MAP3K3: variants seen among roughly 807,000 people sequenced by gnomAD.
MAP3K3 encodes mitogen-activated protein kinase kinase kinase 3, also known as MAP/ERK kinase kinase 3.
A neutral mutation model predicts 80.9 loss-of-function variants in MAP3K3; 12 were observed. The observed-to-expected ratio is 0.15, with a 90% CI of 0.10 to 0.24. MAP3K3 has a LOEUF of 0.24. Ranked by LOEUF, MAP3K3 falls within the 10% of genes least tolerant of loss-of-function variation. The probability of loss-of-function intolerance (pLI) is 1.00; values close to 1 mark genes in which losing one functional copy is unlikely to be tolerated. For synonymous variants in MAP3K3, 272 were observed against 307.1 expected, an observed-to-expected ratio of 0.89 and a Z score of 1.19; for missense variants, 596 against 834.7, an observed-to-expected ratio of 0.71 and a Z score of 3.52.
intron 2 of MAP3K3, among the ~76,000 whole-genome samples, chr17:63,640,144 G>C (rs925118352): frequency 6.6e-6 from 1 of 152,194 alleles, no homozygotes; most frequent in African/African-American, 2.4e-5. Context: ...GCCAGGCATG[G>C]TGACATGCGC....
At chr17:63,655,370 G>C in intron 4 of MAP3K3, among the ~76,000 whole-genome samples, 1 of 152,156 alleles carries the variant, frequency 6.6e-6, no homozygotes, top group Non-Finnish European at 1.5e-5. Context: ...GATTTGGATG[G>C]GGACACAGCC....
At chr17:63,690,971 T>TC (rs2035574599) in intron 12 of MAP3K3, 131 bp from the exon 13 acceptor site, 12 of 1,055,478 alleles carry the variant, frequency 1.1e-5, no homozygotes, top group Non-Finnish European at 1.5e-5. Context: ...GTTAAGAGAG[T>TC]CCCCCTTTTC....
At chr17:63,667,184 T>C (rs2035017496) in intron 6 of MAP3K3, 124 bp downstream of exon 6, 1 of 1,072,128 alleles carries the variant, frequency 9.3e-7, no homozygotes, top group African/African-American at 1.7e-5. Context: ...TGTAGAGTAA[T>C]CCTTTATGCC....
rs180893067 is a variant in MAP3K3 at position 63,652,503 on chromosome 17, A to T, written c.168-54A>T. Reference sequence around the variant, plus strand: ...AATATACTCAGACCATTGCTTTTTAAACCCTACGTTTTAAGTATACAATTA... The same window carrying T: ...AATATACTCAGACCATTGCTTTTTATACCCTACGTTTTAAGTATACAATTA... On this transcript the variant is annotated intron_variant, in intron 3 of 15. Coordinates refer to ENST00000361733, the MANE Select transcript of MAP3K3 (RefSeq NM_002401.5). 5.5e-5 allele frequency: 64 copies of T among 1,171,256 alleles called. No individual in the cohort carries two copies. In the African/African-American group the frequency reaches 8.9e-4, roughly 16 times the overall value. 72.6% of individuals were successfully genotyped at this position (1,171,256 alleles called of 1,614,324 possible). A position where few individuals can be genotyped will look rare whatever the true frequency, so the allele number is the denominator to read the frequency against.
chr17:63,632,994 G>A (rs1181101194), intron 2 of MAP3K3, among the ~76,000 whole-genome samples, 192 bp downstream of exon 2: 3 of 152,120 alleles, frequency 2.0e-5, no homozygotes, highest in Middle Eastern at 3.2e-3. Flanking sequence ...TTGGGAGGCC[G>A]AGGCAGGCGG....
At chr17:63,633,660 C>T (rs886515877) in intron 2 of MAP3K3, among the ~76,000 whole-genome samples, 13 of 152,142 alleles carry the variant, frequency 8.5e-5, no homozygotes, top group African/African-American at 3.1e-4. Context: ...ACTTGTGTGT[C>T]ATTGACAATC....
At chr17:63,654,015 C>T (rs1455210907) in intron 4 of MAP3K3, among the ~76,000 whole-genome samples, 2 of 152,128 alleles carry the variant, frequency 1.3e-5, no homozygotes, top group African/African-American at 4.8e-5. Context: ...TACAGGCACA[C>T]ACCATCACAC....
At position 63,691,085 on chromosome 17, in the gene MAP3K3, A is replaced by G; in HGVS notation, c.1213-17A>G. The G allele has an allele frequency of 6.2e-7, 1 of 1,613,648 alleles. No individual in the cohort carries two copies. Among genetic ancestry groups the G allele is most frequent in the Non-Finnish European group, 8.5e-7 (1 of 1,179,900 alleles). ...TAGGGCCCTGAGAGCTGAGGCGACCACTGACCCCTCCCCTAGGAGGTGAGT... is the reference window on the plus strand; with the variant it reads ...TAGGGCCCTGAGAGCTGAGGCGACCGCTGACCCCTCCCCTAGGAGGTGAGT... On this transcript the variant is annotated splice_polypyrimidine_tract_variant and intron_variant, in intron 12 of 15. Coordinates refer to ENST00000361733, the MANE Select transcript of MAP3K3 (RefSeq NM_002401.5). The surrounding 1 kb of genome is among the most constrained non-coding windows in gnomAD (Gnocchi z 4.8).
intron 3 of MAP3K3, 79 bp downstream of exon 3, chr17:63,646,153 C>A: frequency 3.0e-6 from 4 of 1,318,184 alleles, no homozygotes; most frequent in Non-Finnish European, 4.4e-6. Context: ...GGAAGTCATT[C>A]CCCTGTCCTG....
At position 63,691,182 on chromosome 17, in the gene MAP3K3, G is replaced by A. The variant is rs1367441622; in HGVS notation, c.1293G>A (p.Leu431=). Residue 431 remains leucine (L), a synonymous_variant, in exon 13 of 16, where the codon CTG becomes CTA. Transcript: ENST00000361733. This position sits in a 1 kb window ranked among gnomAD's most constrained non-coding sequence, Gnocchi z 4.8. ...HERIVQYYGC[L]RDRAEKTLTI... ...GCATCGTGCAGTACTATGGCTGTCT[G>A]CGGGACCGCGCTGAGAAGACCCTGA... 6 of 1,614,208 alleles carry A rather than the reference G, an allele frequency of 3.7e-6. No individual in the cohort carries two copies. In the Admixed American group the frequency reaches 8.3e-5, roughly 22 times the overall value.
intron 6 of MAP3K3, among the ~76,000 whole-genome samples, chr17:63,680,975 C>T (rs2035319814): frequency 1.3e-5 from 2 of 151,780 alleles, no homozygotes; most frequent in Non-Finnish European, 2.9e-5. Context: ...TTTGCCAAAC[C>T]TCTGTTGTAG....
intron 1 of MAP3K3, among the ~76,000 whole-genome samples, chr17:63,631,556 A>T (rs772242272): frequency 8.5e-5 from 13 of 152,336 alleles, no homozygotes; most frequent in Non-Finnish European, 1.3e-4. Flanking sequence ...CAACAGATTT[A>T]TTCATTTTCA....
At position 63,622,775 on chromosome 17, in the gene MAP3K3, C is replaced by A; in HGVS notation, c.4+12C>A. 1 of 525,826 alleles carries A rather than the reference C, an allele frequency of 1.9e-6. No homozygotes were observed. The highest frequency in any genetic ancestry group is 3.7e-6 in the Non-Finnish European group (1 of 273,116). The allele number at this position is 525,826 out of a possible 1,614,324, so 32.6% of individuals were successfully genotyped here. A position where few individuals can be genotyped will look rare whatever the true frequency, so the allele number is the denominator to read the frequency against. ...CATCGCCACCATGGGTAAGTGTCGC[C>A]ACCGCCCCGGCCTGTGCCCGCGCTG... On this transcript the variant is annotated intron_variant, in intron 1 of 15. Transcript: ENST00000361733.
intron 1 of MAP3K3, 101 bp downstream of exon 1, chr17:63,622,864 A>G (rs2034017330): frequency 8.1e-6 from 2 of 248,154 alleles, no homozygotes; most frequent in South Asian, 3.8e-5. Context: ...ACAGGCATGG[A>G]CAGCCCGCCC....
intron 4 of MAP3K3, 124 bp downstream of exon 4, chr17:63,652,780 C>T: frequency 1.6e-6 from 1 of 633,696 alleles, no homozygotes; most frequent in Non-Finnish European, 2.8e-6. Context: ...TTTTCTAGAC[C>T]CCCTTTTCTT....
intron 1 of MAP3K3, among the ~76,000 whole-genome samples, chr17:63,630,085 G>C (rs1418236562): frequency 6.6e-6 from 1 of 152,142 alleles, no homozygotes; most frequent in Non-Finnish European, 1.5e-5. Context: ...ATAACTCCTT[G>C]CATTCCGCTT....
intron 2 of MAP3K3, among the ~76,000 whole-genome samples, chr17:63,640,634 T>C (rs2034420908): frequency 6.6e-6 from 1 of 152,192 alleles, no homozygotes. Context: ...ATACTTTTCA[T>C]TGCAAAAATT....
Position 63,688,507 on chromosome 17 carries a change from T to C in MAP3K3, c.711-20T>C. Reference sequence around the variant, plus strand: ...TGTGGAAGTGTGCGGGAGTCTGTTTTTTCTTTTTGTTTTCTCCAGCCCATC... The same window carrying C: ...TGTGGAAGTGTGCGGGAGTCTGTTTCTTCTTTTTGTTTTCTCCAGCCCATC... On this transcript the variant is annotated intron_variant, in intron 8 of 15. Coordinates refer to ENST00000361733, the MANE Select transcript of MAP3K3 (RefSeq NM_002401.5). 5 of 1,611,706 alleles carry C rather than the reference T, an allele frequency of 3.1e-6. No individual in the cohort carries two copies. Among genetic ancestry groups the C allele is most frequent in the Non-Finnish European group, 4.2e-6 (5 of 1,177,764 alleles).
intron 12 of MAP3K3, 42 bp downstream of exon 12, chr17:63,690,454 A>G: frequency 6.3e-7 from 1 of 1,597,458 alleles, no homozygotes; most frequent in Non-Finnish European, 8.5e-7. Context: ...CCTCCTTTCA[A>G]CAAAAATGCC....
Sources: gnomAD v4.1 joint callset for allele counts (sites outside exome capture counted in the v4.1 genomes callset) on GRCh38, gnomAD v4.1.1 for gene constraint, Gnocchi (gnomAD v3.1) non-coding constraint, MANE v1.5 for transcripts, NCBI Gene and HGNC (gene_info 2026-07-23, HGNC 2026-07-21) for gene names.